SNRNP35: variants seen among roughly 807,000 people sequenced by gnomAD.
SNRNP35 encodes the protein U11/U12 small nuclear ribonucleoprotein 35 kDa protein.
A neutral mutation model predicts 24.3 loss-of-function variants in SNRNP35; 16 were observed. The ratio of observed to expected loss-of-function variants is 0.66; its 90% CI spans 0.45 to 1.00. SNRNP35 has a LOEUF of 1.00. Ranked by LOEUF, SNRNP35 falls within the 50% of genes least tolerant of loss-of-function variation. The pLI, the probability that SNRNP35 is intolerant of heterozygous loss-of-function variation, is 0.00. For missense variants in SNRNP35, 292 were observed against 327.2 expected (o/e 0.89, Z 0.83); for synonymous variants, 106 against 124.8 (o/e 0.85, Z 1.00).
At chr12:123,462,007 A>G (rs1179797525) in intron 1 of SNRNP35, among the ~76,000 whole-genome samples, 1 of 152,198 alleles carries the variant, frequency 6.6e-6, no homozygotes, top group Non-Finnish European at 1.5e-5. Context: ...GGCGTGAGCC[A>G]CTGCGCCGGG....
chr12:123,458,252 G>A lies in SNRNP35; in HGVS notation c.-4+36G>A, dbSNP rs369076903. On this transcript the variant is annotated intron_variant, in intron 1 of 1. Coordinates refer to ENST00000526639, the MANE Select transcript of SNRNP35 (RefSeq NM_022717.4). ...GCGGCTTGGAAGGAGCGGGCCCCAC[G>A]CCGGAGAGAAGGAAGAGGGAGTGCG... The A allele has an allele frequency of 4.1e-5, 40 of 984,640 alleles. No homozygotes were observed. In the African/African-American group the frequency reaches 6.5e-4, roughly 16 times the overall value. The allele number at this position is 984,640 out of a possible 1,614,324, so 61.0% of individuals were successfully genotyped here.
At chr12:123,461,852 G>A (rs1880649602) in intron 1 of SNRNP35, among the ~76,000 whole-genome samples, 2 of 151,752 alleles carry the variant, frequency 1.3e-5, no homozygotes, top group South Asian at 4.2e-4. Context: ...CTCCCAAGTA[G>A]CTGGGACTGC....
At position 123,465,819 on chromosome 12, in the gene SNRNP35, C is replaced by T. The variant is rs368857112; in HGVS notation, c.279C>T (p.Gly93=). 1 of 1,613,950 alleles carries T rather than the reference C, an allele frequency of 6.2e-7. No homozygotes were observed. The highest frequency in any genetic ancestry group is 8.5e-7 in the Non-Finnish European group (1 of 1,180,038). ...VRDLVTGFSK[G]YAFIEYKEER... is the part of the protein sequence containing the mutation. The stretch of plus-strand genomic sequence containing the variant: ...ACTTGGTCACAGGTTTTTCAAAGGG[C>T]TACGCCTTCATCGAATACAAGGAGG... The change falls in exon 2 of 2, where the codon GGC becomes GGT. Residue 93 remains glycine, a synonymous_variant. Transcript: ENST00000526639. This position sits in a 1 kb window ranked among gnomAD's most constrained non-coding sequence, Gnocchi z 4.2.
In SNRNP35 at chr12:123,466,232, T is replaced by A. The variant is rs765593513; in HGVS notation, c.692T>A (p.Phe231Tyr). ...PDNDWERERD[F>Y]RDDRIKGREK... ...AATGACTGGGAGAGAGAGAGGGACT[T>A]CAGAGATGACAGGATCAAGGGGAGG... Residue 231 changes from phenylalanine to tyrosine, a missense_variant, in exon 2 of 2, where the codon TTC (phenylalanine) becomes TAC (tyrosine). Phe to Tyr is a conservative substitution (Grantham distance 22, BLOSUM62 3). Transcript: ENST00000526639. 1.9e-6 allele frequency: 3 copies of A among 1,545,098 alleles called. No individual in the cohort carries two copies. Among genetic ancestry groups the A allele is most frequent in the Non-Finnish European group, 1.7e-6 (2 of 1,149,932 alleles).
chr12:123,460,676 G>A (rs1880565090), intron 1 of SNRNP35, among the ~76,000 whole-genome samples: 1 of 151,532 alleles, frequency 6.6e-6, no homozygotes, highest in African/African-American at 2.4e-5. Flanking sequence ...GGAGGCTAGG[G>A]TGGGAGAGGC....
chr12:123,461,055 T>G (rs529263915), intron 1 of SNRNP35, among the ~76,000 whole-genome samples: 1 of 147,470 alleles, frequency 6.8e-6, no homozygotes, highest in Admixed American at 6.9e-5. Context: ...GCTCAAGGGA[T>G]CCTCCCATTT....
Position 123,465,331 on chromosome 12 carries a change from A to G in SNRNP35, c.-3-207A>G, listed in dbSNP as rs894586183. On this transcript the variant is annotated intron_variant, in intron 1 of 1. Transcript: ENST00000526639. The surrounding 1 kb of genome is among the most constrained non-coding windows in gnomAD (Gnocchi z 4.2). ...TGAGAGGGCATTTGTAGGAGTGGGT[A>G]AGGGCTTCTCTGGAGCACAACTGCC... 6.6e-6 allele frequency among the ~76,000 whole-genome samples: 1 copy of G among 152,162 alleles called. No individual in the cohort carries two copies. Among genetic ancestry groups the G allele is most frequent in the Non-Finnish European group, 1.5e-5 (1 of 68,024 alleles).
intron 1 of SNRNP35, among the ~76,000 whole-genome samples, chr12:123,462,840 A>G (rs1459550200): frequency 6.6e-6 from 1 of 151,870 alleles, no homozygotes; most frequent in Non-Finnish European, 1.5e-5. Flanking sequence ...TTTATTCTGT[A>G]GGTGTTTGGC....
rs759838340 is a variant in SNRNP35, at chr12:123,465,758, G to A, written c.218G>A (p.Arg73His). ...GACAAATTAAAGGAAGTCTTTTCCC[G>A]CTATGGTGACATCCGGCGGCTTCGG... ...KEDKLKEVFS[R>H]YGDIRRLRLV... is the part of the protein sequence containing the mutation. Residue 73 changes from arginine to histidine, a missense_variant, in exon 2 of 2, where the codon CGC becomes CAC. By Grantham distance (29) the Arg-to-His change is conservative. Transcript: ENST00000526639. This position sits in a 1 kb window ranked among gnomAD's most constrained non-coding sequence, Gnocchi z 4.2. 1.1e-4 allele frequency: 171 copies of A among 1,613,916 alleles called. No homozygotes were observed. Among genetic ancestry groups the A allele is most frequent in the Non-Finnish European group, 1.3e-4 (148 of 1,180,000 alleles).
At chr12:123,461,557 T>C (rs1362099083) in intron 1 of SNRNP35, among the ~76,000 whole-genome samples, 1 of 152,010 alleles carries the variant, frequency 6.6e-6, no homozygotes, top group African/African-American at 2.4e-5. Flanking sequence ...TCCATCTGTT[T>C]TTCATTCTTT....
At chr12:123,472,580 G>A (rs752007942) in exon 2 of SNRNP35, 5 of 1,556,520 alleles carry the variant, frequency 3.2e-6, no homozygotes, top group Middle Eastern at 1.7e-4. Flanking sequence ...CTGTGTAACC[G>A]TCATCGCGGT....
chr12:123,459,735 C>G, intron 1 of SNRNP35: 5 of 960,294 alleles, frequency 5.2e-6, no homozygotes, highest in Non-Finnish European at 7.7e-6. Flanking sequence ...TTGCAGTGAG[C>G]CGAGATTGGC....
intron 1 of SNRNP35, among the ~76,000 whole-genome samples, chr12:123,461,282 A>AAT (rs760592912): frequency 3.8e-5 from 5 of 131,202 alleles, no homozygotes; most frequent in Admixed American, 8.1e-5. Context: ...CGCCTGGCTA[A>AAT]TTTTTTTTTT....
chr12:123,460,373 G>A (rs1173149947), intron 1 of SNRNP35, among the ~76,000 whole-genome samples: 1 of 151,904 alleles, frequency 6.6e-6, no homozygotes, highest in Non-Finnish European at 1.5e-5. Flanking sequence ...TAGGATTTGG[G>A]GCACAGGCTG....
chr12:123,469,111 A>G (rs187682987), downstream of SNRNP35, among the ~76,000 whole-genome samples: 422 of 151,708 alleles, frequency 2.8e-3, no homozygotes, highest in African/African-American at 9.8e-3. Flanking sequence ...CAGACTGCCA[A>G]ATGTCCCCTG....
At chr12:123,461,958 G>C (rs1046029511) in intron 1 of SNRNP35, among the ~76,000 whole-genome samples, 9 of 152,072 alleles carry the variant, frequency 5.9e-5, no homozygotes, top group Admixed American at 3.3e-4. Flanking sequence ...CTGACCTCGT[G>C]ATCCGCCTGC....
downstream of SNRNP35, among the ~76,000 whole-genome samples, chr12:123,468,683 C>G (rs982416982): frequency 2.0e-5 from 3 of 151,938 alleles, no homozygotes; most frequent in Non-Finnish European, 2.9e-5. Flanking sequence ...GAGTAAGACC[C>G]TGTCTCAAAA....
Position 123,466,547 on chromosome 12 carries a change from CTTTTCT to C in SNRNP35, c.*271_*276del, listed in dbSNP as rs1880993765. On this transcript the variant is annotated 3_prime_UTR_variant, in exon 2 of 2. Coordinates refer to ENST00000526639, the MANE Select transcript of SNRNP35 (RefSeq NM_022717.4). Reference sequence around the variant, plus strand: ...TCTGTACAGAAGGGCATTTTCTTTTCTTTTCTTTTTTTTTTTTTTGAGACAGAGTCT... The same window carrying C: ...TCTGTACAGAAGGGCATTTTCTTTTCTTTTTTTTTTTTTGAGACAGAGTCT... 6 of 288,254 alleles carry C rather than the reference CTTTTCT, an allele frequency of 2.1e-5. No homozygotes were observed. Among genetic ancestry groups the C allele is most frequent in the Non-Finnish European group, 2.5e-5 (4 of 162,972 alleles). 17.9% of individuals were successfully genotyped at this position (288,254 alleles called of 1,614,324 possible).
chr12:123,462,453 A>G (rs1467936491), intron 1 of SNRNP35, among the ~76,000 whole-genome samples: 3 of 151,142 alleles, frequency 2.0e-5, no homozygotes, highest in East Asian at 3.9e-4. Flanking sequence ...AAAATAGAAT[A>G]GGTTTTATGA....
Sources: gnomAD v4.1 joint callset for allele counts (sites outside exome capture counted in the v4.1 genomes callset) on GRCh38, gnomAD v4.1.1 for gene constraint, Gnocchi (gnomAD v3.1) non-coding constraint, MANE v1.5 for transcripts, NCBI Gene and HGNC (gene_info 2026-07-23, HGNC 2026-07-21) for gene names.